COL19A1: variants seen among roughly 807,000 people sequenced by gnomAD.
COL19A1 encodes collagen type XIX alpha 1 chain, also known as collagen alpha-1(XIX) chain.
A neutral mutation model predicts 190.2 loss-of-function variants in COL19A1; 159 were observed. The ratio of observed to expected loss-of-function variants is 0.84; its 90% CI spans 0.73 to 0.95. The LOEUF (loss-of-function observed/expected upper bound fraction) is 0.95. COL19A1 is among the 40% of genes least tolerant of loss of function. COL19A1 has a pLI of 0.00. For synonymous variants in COL19A1, 509 were observed against 458.9 expected (o/e 1.11, Z -1.39); for missense variants, 1,418 against 1,431.9 (o/e 0.99, Z 0.16).
Position 69,936,806 on chromosome 6 carries a change from G to C in COL19A1, c.769G>C (p.Gly257Arg). 1 of 1,612,968 alleles carries C rather than the reference G, an allele frequency of 6.2e-7. No homozygotes were observed. Among genetic ancestry groups the C allele is most frequent in the South Asian group, 1.1e-5 (1 of 91,042 alleles). ...TTAGTGCCCAGAGCAGGATGGCTTT[G>C]GAAATATTGCATCATCATGGGTAAC... is the stretch of plus-strand genomic sequence containing the variant. ...DTKCPEQDGFGNIASSWVTAH... is the reference protein window; with the variant it reads ...DTKCPEQDGFRNIASSWVTAH... Residue 257 changes from glycine to arginine, a missense_variant, in exon 8 of 51, where the codon GGA (glycine) becomes CGA (arginine). Gly to Arg is a moderately radical substitution (Grantham distance 125, BLOSUM62 -2). Transcript: ENST00000620364.
intron 11 of COL19A1, among the ~76,000 whole-genome samples, chr6:69,969,756 C>A (rs1775317885): frequency 6.6e-6 from 1 of 152,092 alleles, no homozygotes; most frequent in Non-Finnish European, 1.5e-5. Flanking sequence ...ATCCTGGAAC[C>A]AATCCCCAGC....
At chr6:69,919,144 C>A (rs549122990) in intron 4 of COL19A1, among the ~76,000 whole-genome samples, 13 of 152,140 alleles carry the variant, frequency 8.5e-5, no homozygotes, top group Non-Finnish European at 1.9e-4. Context: ...GGAGAGCTTC[C>A]TTCTCTGGAT....
At chr6:69,975,456 G>C (rs2150059348) in intron 11 of COL19A1, among the ~76,000 whole-genome samples, 1 of 152,352 alleles carries the variant, frequency 6.6e-6, no homozygotes, top group African/African-American at 2.4e-5. Context: ...ACCTGTGAAA[G>C]AGACAGTGAG....
chr6:69,962,614 G>A (rs1774869508), intron 10 of COL19A1, among the ~76,000 whole-genome samples: 1 of 152,152 alleles, frequency 6.6e-6, no homozygotes, highest in Non-Finnish European at 1.5e-5. Flanking sequence ...TGGAAGTGGT[G>A]AAGCTGTAAC....
At chr6:69,995,667 G>A (rs1012573466) in intron 11 of COL19A1, among the ~76,000 whole-genome samples, 1 of 151,956 alleles carries the variant, frequency 6.6e-6, no homozygotes, top group African/African-American at 2.4e-5. Context: ...TGAAGTAGTG[G>A]ACTATTAACT....
chr6:70,170,991 C>A (rs888180402), intron 40 of COL19A1, among the ~76,000 whole-genome samples: 1 of 152,136 alleles, frequency 6.6e-6, no homozygotes, highest in Admixed American at 6.6e-5. Context: ...AATTTATTAA[C>A]AAGAAGGCAT....
intron 4 of COL19A1, among the ~76,000 whole-genome samples, chr6:69,909,979 T>C (rs1582365095): frequency 2.0e-5 from 3 of 152,180 alleles, no homozygotes; most frequent in African/African-American, 7.2e-5. Flanking sequence ...AACTGATTCA[T>C]GTTTGTGTCC....
chr6:70,046,503 G>A (rs557044799), intron 14 of COL19A1, among the ~76,000 whole-genome samples: 3 of 152,008 alleles, frequency 2.0e-5, no homozygotes, highest in African/African-American at 7.2e-5. Context: ...AATTTTTCCA[G>A]AAAATTATCC....
At chr6:69,920,257 C>T (rs573377909) in intron 4 of COL19A1, among the ~76,000 whole-genome samples, 20 of 152,130 alleles carry the variant, frequency 1.3e-4, no homozygotes, top group Non-Finnish European at 2.4e-4. Context: ...CTGGACACTG[C>T]TTGTACTATA....
At chr6:69,931,168 A>C (rs908961650) in intron 6 of COL19A1, among the ~76,000 whole-genome samples, 2 of 152,196 alleles carry the variant, frequency 1.3e-5, no homozygotes, top group African/African-American at 2.4e-5. Flanking sequence ...GAAAAAAATT[A>C]TCATGATTTA....
intron 4 of COL19A1, among the ~76,000 whole-genome samples, chr6:69,919,325 C>T (rs894936229): frequency 6.6e-6 from 1 of 152,086 alleles, no homozygotes. Context: ...TTTATAAACA[C>T]GAGGATTTTC....
chr6:70,197,197 G>T (rs2150304146), intron 48 of COL19A1, among the ~76,000 whole-genome samples: 1 of 151,902 alleles, frequency 6.6e-6, no homozygotes, highest in Non-Finnish European at 1.5e-5. Context: ...GAGGTGGGTG[G>T]ATCACGAGGT....
At chr6:70,148,923 T>G (rs1045202126) in intron 27 of COL19A1, among the ~76,000 whole-genome samples, 3 of 65,078 alleles carry the variant, frequency 4.6e-5, no homozygotes, top group African/African-American at 3.6e-4. Flanking sequence ...TGAGACTCCA[T>G]CTAAAAAAAA....
chr6:69,917,665 G>A (rs1256164182), intron 4 of COL19A1, among the ~76,000 whole-genome samples: 2 of 152,134 alleles, frequency 1.3e-5, no homozygotes, highest in East Asian at 1.9e-4. Flanking sequence ...ATCTTAGACC[G>A]TTCAAGGGAA....
intron 11 of COL19A1, among the ~76,000 whole-genome samples, chr6:70,009,359 ACAAT>A (rs1346112168): frequency 1.3e-5 from 2 of 152,216 alleles, no homozygotes; most frequent in Non-Finnish European, 2.9e-5. Context: ...TATACAAGCA[ACAAT>A]CAATCAAAAA....
chr6:70,199,484 T>C lies in COL19A1; in HGVS notation c.3095-124T>C, dbSNP rs1038651444. 8.3e-5 allele frequency: 61 copies of C among 737,676 alleles called. No individual in the cohort carries two copies. The African/African-American group carries it at 1.0e-3, about 13-fold the overall frequency. The allele number at this position is 737,676 out of a possible 1,614,324, so 45.7% of individuals were successfully genotyped here. A position where few individuals can be genotyped will look rare whatever the true frequency, so the allele number is the denominator to read the frequency against. ...AAAACTCAGCAGTCAGACCAGTTGGTAAATTAGATGTGCTTAAATTAAAAA... is the reference window on the plus strand; with the variant it reads ...AAAACTCAGCAGTCAGACCAGTTGGCAAATTAGATGTGCTTAAATTAAAAA... On this transcript the variant is annotated intron_variant, in intron 48 of 50. Transcript: ENST00000620364.
chr6:70,067,553 G>A (rs1187216017), intron 14 of COL19A1, among the ~76,000 whole-genome samples: 2 of 152,038 alleles, frequency 1.3e-5, no homozygotes, highest in Non-Finnish European at 2.9e-5. Flanking sequence ...CAAGCACGTC[G>A]TGGGTCTGAA....
chr6:70,073,771 T>G (rs1781695849), intron 15 of COL19A1, among the ~76,000 whole-genome samples: 1 of 152,192 alleles, frequency 6.6e-6, no homozygotes, highest in Non-Finnish European at 1.5e-5. Flanking sequence ...ATATGAAGAT[T>G]GGTGTCATCA....
intron 48 of COL19A1, among the ~76,000 whole-genome samples, chr6:70,193,216 C>T (rs1766990683): frequency 6.6e-6 from 1 of 152,160 alleles, no homozygotes; most frequent in South Asian, 2.1e-4. Flanking sequence ...GCAAAAGAGA[C>T]ACTTCTACTC....
Sources: gnomAD v4.1 joint callset for allele counts (sites outside exome capture counted in the v4.1 genomes callset) on GRCh38, gnomAD v4.1.1 for gene constraint, MANE v1.5 for transcripts, NCBI Gene and HGNC (gene_info 2026-07-23, HGNC 2026-07-21) for gene names.